The following TANC2 variants were observed in gnomAD, a reference collection of about 807,000 sequenced individuals.
TANC2 encodes the protein protein TANC2.
A neutral mutation model predicts 210.5 loss-of-function variants in TANC2; 26 were observed. That is an observed-to-expected ratio of 0.12 (90% confidence interval 0.09 to 0.17). The LOEUF is 0.17. Ranked by LOEUF, TANC2 falls within the 10% of genes least tolerant of loss-of-function variation. TANC2 has a pLI of 1.00. For missense variants in TANC2, 2,129 were observed against 2,608.9 expected (o/e 0.82, Z 4.01); for synonymous variants, 931 against 967.1 (o/e 0.96, Z 0.69).
chr17:62,999,625 C>CT (rs565569876), intron 1 of TANC2, among the ~76,000 whole-genome samples: 17,351 of 146,540 alleles, frequency 0.12, 1,287 homozygotes, highest in African/African-American at 0.22. Context: ...TTTTTTGTAA[C>CT]TTTTTTTTTT....
chr17:63,130,174 C>G (rs1343323516), intron 4 of TANC2, among the ~76,000 whole-genome samples: 1 of 152,092 alleles, frequency 6.6e-6, no homozygotes, highest in African/African-American at 2.4e-5. Context: ...AATTGTTTCT[C>G]TCATCTTAAT....
intron 4 of TANC2, among the ~76,000 whole-genome samples, chr17:63,111,500 C>T (rs2038042292): frequency 6.6e-6 from 1 of 152,152 alleles, no homozygotes; most frequent in Non-Finnish European, 1.5e-5. Context: ...ATCTTCAAAA[C>T]ATAGCTCTTC....
intron 1 of TANC2, chr17:62,967,415 G>A (rs772964823): frequency 2.6e-5 from 4 of 151,838 alleles, no homozygotes; most frequent in Non-Finnish European, 5.9e-5. Flanking sequence ...AGCGTGTAGA[G>A]CATTGGTACA....
intron 11 of TANC2, among the ~76,000 whole-genome samples, chr17:63,321,199 A>G (rs1055984761): frequency 1.1e-4 from 17 of 150,190 alleles, no homozygotes; most frequent in Non-Finnish European, 1.5e-4. Context: ...CTCCATCTCA[A>G]AAAAAAAAAA....
At chr17:63,106,046 G>C (rs1325547470) in intron 4 of TANC2, among the ~76,000 whole-genome samples, 1 of 151,544 alleles carries the variant, frequency 6.6e-6, no homozygotes, top group Non-Finnish European at 1.5e-5. Flanking sequence ...ACCTCATTCA[G>C]GGTACTGTTT....
rs142841162 is a variant in TANC2 at position 62,974,634 on chromosome 17, T to G, written c.-24+7885T>G. On this transcript the variant is annotated intron_variant, in intron 1 of 27. Transcript: ENST00000689528. ...GGGGATGGAAATTTCATATTCTTCC[T>G]TAAAAGCTAAAATTGTAATTCAGAA... Among the ~76,000 whole-genome samples the G allele has an allele frequency of 3.2e-3, 485 of 152,330 alleles. 4 individuals carry two copies. The highest frequency in any genetic ancestry group is 0.027 in the Middle Eastern group (8 of 294).
chr17:63,327,850 T>G (rs1029763542), intron 11 of TANC2, among the ~76,000 whole-genome samples: 8 of 152,300 alleles, frequency 5.3e-5, no homozygotes, highest in African/African-American at 1.9e-4. Context: ...TGTATACATG[T>G]GCCATGCTGG....
At chr17:63,225,112 C>G (rs2145962757) in intron 7 of TANC2, among the ~76,000 whole-genome samples, 1 of 152,274 alleles carries the variant, frequency 6.6e-6, no homozygotes, top group Middle Eastern at 3.4e-3. Context: ...TTTCATCTCC[C>G]TCTCACTTTG....
rs568357087 is a variant in TANC2 at position 63,123,258 on chromosome 17, T to C, written c.322+23901T>C. On this transcript the variant is annotated intron_variant, in intron 4 of 27. Transcript: ENST00000689528. ...CATTGAGTTCAGGGTGGTAGGACGA[T>C]ATAAGAGGGGAAATGTGGGCCAGGC... is the stretch of plus-strand genomic sequence containing the variant. Among the ~76,000 whole-genome samples the C allele has an allele frequency of 5.9e-5, 9 of 152,058 alleles. No homozygotes were observed. In the South Asian group the frequency reaches 1.7e-3, roughly 28 times the overall value.
At chr17:63,240,495 G>T (rs747300353) in intron 8 of TANC2, among the ~76,000 whole-genome samples, 10 of 152,050 alleles carry the variant, frequency 6.6e-5, no homozygotes, top group Non-Finnish European at 1.5e-4. Flanking sequence ...GTTTAAAAGC[G>T]ACTCAGCTCT....
At chr17:63,131,170 A>G (rs576888284) in intron 4 of TANC2, among the ~76,000 whole-genome samples, 2 of 152,376 alleles carry the variant, frequency 1.3e-5, no homozygotes, top group Non-Finnish European at 2.9e-5. Context: ...TTGTAGTATA[A>G]CAACAGAAAT....
intron 17 of TANC2, among the ~76,000 whole-genome samples, chr17:63,393,779 T>TTA (rs2048062157): frequency 2.7e-5 from 4 of 149,782 alleles, no homozygotes; most frequent in African/African-American, 4.9e-5. Flanking sequence ...TATTATTATT[T>TTA]TTTTTTTTTG....
At chr17:62,968,512 T>G (rs2031494166) in intron 1 of TANC2, 1 of 152,226 alleles carries the variant, frequency 6.6e-6, no homozygotes, top group South Asian at 2.1e-4. Context: ...TGAGAAGCTG[T>G]TGGGGCTGAA....
At chr17:63,265,443 A>G (rs1266179054) in intron 8 of TANC2, among the ~76,000 whole-genome samples, 1 of 152,152 alleles carries the variant, frequency 6.6e-6, no homozygotes, top group African/African-American at 2.4e-5. Context: ...CCATTTTCAG[A>G]GCTGCTGTGG....
At chr17:62,983,919 T>C (rs1206294742) in intron 1 of TANC2, among the ~76,000 whole-genome samples, 1 of 152,158 alleles carries the variant, frequency 6.6e-6, no homozygotes, top group Non-Finnish European at 1.5e-5. Flanking sequence ...GATATTGGCT[T>C]GTAGTCTCCT....
intron 4 of TANC2, among the ~76,000 whole-genome samples, chr17:63,147,788 ATATTG>A (rs2145370735): frequency 6.6e-6 from 1 of 152,326 alleles, no homozygotes; most frequent in African/African-American, 2.4e-5. Flanking sequence ...AAGGCATAAC[ATATTG>A]TATTTTCTTC....
chr17:62,984,980 G>A (rs557471186), intron 1 of TANC2, among the ~76,000 whole-genome samples: 3 of 152,280 alleles, frequency 2.0e-5, no homozygotes, highest in South Asian at 2.1e-4. Flanking sequence ...GGTCTGTGGT[G>A]TAGTTTAAAT....
At chr17:62,974,455 G>A (rs2031886845) in intron 1 of TANC2, among the ~76,000 whole-genome samples, 1 of 152,186 alleles carries the variant, frequency 6.6e-6, no homozygotes, top group Non-Finnish European at 1.5e-5. Context: ...TTGTTAGGCA[G>A]ACACCTTGTG....
At chr17:63,167,501 A>C (rs2040249641) in intron 5 of TANC2, among the ~76,000 whole-genome samples, 1 of 152,060 alleles carries the variant, frequency 6.6e-6, no homozygotes, top group Non-Finnish European at 1.5e-5. Context: ...ATTTTTGCTT[A>C]TCTTTAGTTC....
Sources: gnomAD v4.1 joint callset for allele counts (sites outside exome capture counted in the v4.1 genomes callset) on GRCh38, gnomAD v4.1.1 for gene constraint, MANE v1.5 for transcripts, NCBI Gene and HGNC (gene_info 2026-07-23, HGNC 2026-07-21) for gene names.